Variants in PRCC observed in about 807,000 individuals in gnomAD.
The protein encoded by PRCC is proline rich mitotic checkpoint control factor.
In PRCC, 10 loss-of-function variants were observed where a neutral mutation model predicts 44.0. The ratio of observed to expected loss-of-function variants is 0.23; its 90% CI spans 0.14 to 0.39. The LOEUF (loss-of-function observed/expected upper bound fraction) is 0.39. Among genes scored for constraint, PRCC ranks in the 10% least tolerant of loss-of-function variants. The pLI is 1.00. For synonymous variants in PRCC, 278 were observed against 259.5 expected (o/e 1.07, Z -0.69); for missense variants, 573 against 624.7 (o/e 0.92, Z 0.88).
Position 156,767,980 on chromosome 1 carries a change from C to T in PRCC, c.209C>T (p.Pro70Leu), listed in dbSNP as rs534844339. The change falls in exon 1 of 7, where the codon CCA becomes CTA. Residue 70 changes from proline to leucine, a missense_variant. This residue lies in a region of PRCC where 245 missense variants were observed against 188.5 expected (regional missense o/e 1.30). Transcript: ENST00000271526. ...PAFPPPLLLPPPTGDPRLQPP... is the reference protein window; with the variant it reads ...PAFPPPLLLPLPTGDPRLQPP... The stretch of plus-strand genomic sequence containing the variant: ...TTTCCCCCGCCGCTGTTGCTTCCCC[C>T]ACCCACCGGAGACCCCAGGCTTCAG... 14 of 1,580,382 alleles carry T rather than the reference C, an allele frequency of 8.9e-6. No individual in the cohort carries two copies. Among genetic ancestry groups the T allele is most frequent in the African/African-American group, 1.3e-5 (1 of 74,350 alleles).
At chr1:156,795,900 G>A (rs913782956) in intron 5 of PRCC, 1 of 152,198 alleles carries the variant, frequency 6.6e-6, no homozygotes, top group Non-Finnish European at 1.5e-5. Context: ...GAAAACCCTG[G>A]ACTTGAGCCC....
intron 1 of PRCC, among the ~76,000 whole-genome samples, chr1:156,777,715 G>A (rs1651875193): frequency 6.6e-6 from 1 of 152,184 alleles, no homozygotes; most frequent in Admixed American, 6.5e-5. Context: ...CTAAGCAAAT[G>A]AGTGATGTAG....
At chr1:156,780,689 T>C (rs1652021292) in intron 1 of PRCC, among the ~76,000 whole-genome samples, 1 of 152,156 alleles carries the variant, frequency 6.6e-6, no homozygotes, top group African/African-American at 2.4e-5. Flanking sequence ...TGAGGGGATG[T>C]CTGAACCACA....
In PRCC at chr1:156,767,936, T is replaced by A; in HGVS notation, c.165T>A (p.Pro55=). The A allele has an allele frequency of 6.3e-7, 1 of 1,589,596 alleles. No individual in the cohort carries two copies. Among genetic ancestry groups the A allele is most frequent in the South Asian group, 1.1e-5 (1 of 87,998 alleles). The part of the protein sequence containing the change: ...PKGPALLPPP[P]QMLAPAFPPP... The stretch of plus-strand genomic sequence containing the variant: ...GTCCGGCCTTGCTGCCTCCGCCCCC[T>A]CAGATGCTGGCGCCAGCCTTTCCCC... Residue 55 remains proline, a synonymous_variant, in exon 1 of 7, where the codon CCT becomes CCA. Coordinates refer to ENST00000271526, the MANE Select transcript of PRCC (RefSeq NM_005973.5).
At chr1:156,792,100 C>T (rs1462002598) in intron 4 of PRCC, among the ~76,000 whole-genome samples, 3 of 91,572 alleles carry the variant, frequency 3.3e-5, no homozygotes, top group African/African-American at 7.8e-5. Context: ...CGGGGTCTTG[C>T]TTGTTGTCCA....
At chr1:156,780,108 G>C (rs994097474) in intron 1 of PRCC, among the ~76,000 whole-genome samples, 5 of 152,012 alleles carry the variant, frequency 3.3e-5, no homozygotes, top group Admixed American at 1.3e-4. Context: ...CTGTGCTGGA[G>C]TGCAGTGGCG....
In PRCC at chr1:156,787,650, C is replaced by CTTT. The variant is rs56916626; in HGVS notation, c.1083+490_1083+492dup. Among the ~76,000 whole-genome samples the CTTT allele has an allele frequency of 1.5e-4, 8 of 54,172 alleles. 1 individual carries two copies. The highest frequency in any genetic ancestry group is 5.4e-4 in the African/African-American group (6 of 11,032). 35.5% of individuals were successfully genotyped at this position (54,172 alleles called of 152,430 possible). A position where few individuals can be genotyped will look rare whatever the true frequency, so the allele number is the denominator to read the frequency against. On this transcript the variant is annotated intron_variant, in intron 3 of 6. Transcript: ENST00000271526. ...AGTACCTGATAGGTAGGTTTTTGGC[C>CTTT]TTTTTTTTTTTTTTTTGGAGAAGGA...
chr1:156,791,063 C>T (rs771029451), intron 3 of PRCC: 5 of 1,394,890 alleles, frequency 3.6e-6, no homozygotes, highest in South Asian at 2.3e-5. Context: ...TCCTCTTCCT[C>T]TAGGGTCTGC....
chr1:156,791,224 CG>C, intron 3 of PRCC: 3 of 1,176,434 alleles, frequency 2.6e-6, no homozygotes, highest in Non-Finnish European at 2.4e-6. Flanking sequence ...CCTCCCCACC[CG>C]GTTTAGACTG....
rs879067524 is a variant in PRCC, at chr1:156,800,760, C to CTT, written c.*311_*312dup. The CTT allele has an allele frequency of 4.1e-4, 109 of 262,954 alleles. No homozygotes were observed. The highest frequency in any genetic ancestry group is 1.3e-3 in the South Asian group (11 of 8,792). 16.3% of individuals were successfully genotyped at this position (262,954 alleles called of 1,614,324 possible). On this transcript the variant is annotated 3_prime_UTR_variant, in exon 7 of 7. Coordinates refer to ENST00000271526, the MANE Select transcript of PRCC (RefSeq NM_005973.5). ...AAATGTTGAACCCTCCCCACCACCA[C>CTT]TTTTTTTTTTTTAAACCAGGGATGT...
intron 2 of PRCC, among the ~76,000 whole-genome samples, chr1:156,784,390 G>A (rs1306806221): frequency 6.6e-6 from 1 of 152,214 alleles, no homozygotes; most frequent in Non-Finnish European, 1.5e-5. Context: ...TAAGACTGAA[G>A]ACTGTAAAGA....
At position 156,800,409 on chromosome 1, in the gene PRCC, G is replaced by C; in HGVS notation, c.1425G>C (p.Trp475Cys). Residue 475 changes from tryptophan (W) to cysteine (C), a missense_variant, in exon 7 of 7, where the codon TGG (tryptophan) becomes TGC (cysteine). Transcript: ENST00000271526. ...GGGAGCTGGAACTGAAGAACACCTG[G>C]TCAGAGAACAAGCTCAGCCGCCGTC... ...KERELELKNT[W>C]SENKLSRRQT... 6.2e-7 allele frequency: 1 copy of C among 1,614,156 alleles called. No homozygotes were observed. The highest frequency in any genetic ancestry group is 1.1e-5 in the South Asian group (1 of 91,082).
At chr1:156,796,139 A>C (rs1652654650) in intron 5 of PRCC, 1 of 152,240 alleles carries the variant, frequency 6.6e-6, no homozygotes, top group Non-Finnish European at 1.5e-5. Flanking sequence ...GTGGGTCGAG[A>C]AGCATAGTCA....
intron 4 of PRCC, 124 bp downstream of exon 4, chr1:156,791,916 CA>C: frequency 1.2e-6 from 1 of 865,092 alleles, no homozygotes; most frequent in Admixed American, 2.8e-5. Flanking sequence ...ATTAGGTTGG[CA>C]ACATGTAATG....
In PRCC at chr1:156,786,792, G is replaced by T. The variant is rs1652261026; in HGVS notation, c.701G>T (p.Gly234Val). 2 of 1,614,174 alleles carry T rather than the reference G, an allele frequency of 1.2e-6. No homozygotes were observed. Residue 234 changes from glycine (G) to valine (V), a missense_variant, in exon 3 of 7, where the codon GGC becomes GTC. Coordinates refer to ENST00000271526, the MANE Select transcript of PRCC (RefSeq NM_005973.5). ...ACTTCCTCTCTTGCCCCTGTTGTGG[G>T]CACCACAACCACCACTCCGTCGCCC... The part of the protein sequence containing the change: ...TKTSSLAPVV[G>V]TTTTTPSPSA...
chr1:156,791,913 T>G (rs1170300034), intron 4 of PRCC, 121 bp downstream of exon 4: 1 of 880,280 alleles, frequency 1.1e-6, no homozygotes, highest in East Asian at 2.6e-5. Context: ...AGGATTAGGT[T>G]GGCAACATGT....
At chr1:156,779,290 G>A (rs964353379) in intron 1 of PRCC, among the ~76,000 whole-genome samples, 1 of 149,336 alleles carries the variant, frequency 6.7e-6, no homozygotes, top group Non-Finnish European at 1.5e-5. Flanking sequence ...TAGTAGTTAG[G>A]ACTGCAGGTG....
At chr1:156,799,828 C>T (rs1210432361) in intron 6 of PRCC, among the ~76,000 whole-genome samples, 2 of 152,164 alleles carry the variant, frequency 1.3e-5, no homozygotes, top group African/African-American at 2.4e-5. Context: ...TCTTGTACCT[C>T]TCAGTTTTTC....
At chr1:156,768,358 G>T (rs1651498073) in intron 1 of PRCC, 119 bp downstream of exon 1, 1 of 1,075,572 alleles carries the variant, frequency 9.3e-7, no homozygotes, top group South Asian at 1.4e-5. Context: ...CAAGGCCACT[G>T]GAATCCTCTT....
Sources: gnomAD v4.1 joint callset for allele counts (sites outside exome capture counted in the v4.1 genomes callset) on GRCh38, gnomAD v4.1.1 for gene constraint, gnomAD v4.1.1 regional missense constraint, MANE v1.5 for transcripts, NCBI Gene and HGNC (gene_info 2026-07-23, HGNC 2026-07-21) for gene names.